ATP7A: variants seen among roughly 807,000 people sequenced by gnomAD.
ATP7A encodes the protein copper-transporting ATPase 1.
ATP7A carries 7 observed loss-of-function variants against 83.5 expected under a neutral mutation model. That is an observed-to-expected ratio of 0.08 (90% CI 0.05 to 0.16). ATP7A has a LOEUF of 0.16. Ranked by LOEUF, ATP7A falls within the 10% of genes least tolerant of loss-of-function variation. The pLI is 1.00. For missense variants in ATP7A, 940 were observed against 1,120.8 expected (o/e 0.84, Z 2.30); for synonymous variants, 354 against 395.2 (o/e 0.90, Z 1.24).
intron 1 of ATP7A, among the ~76,000 whole-genome samples, chrX:77,953,227 A>G (rs1557226986): frequency 8.9e-6 from 1 of 112,392 alleles, no homozygotes; most frequent in Non-Finnish European, 1.9e-5. Flanking sequence ...ATAACATTAC[A>G]GGCAGTTCTT....
At chrX:78,020,718 C>T (rs1337338104) in intron 13 of ATP7A, among the ~76,000 whole-genome samples, 4 of 110,695 alleles carry the variant, frequency 3.6e-5, no homozygotes, top group Admixed American at 9.6e-5. Flanking sequence ...ACAGGGTCTC[C>T]CTAAGTTGCC....
chrX:78,031,951 T>G (rs1557237122), intron 16 of ATP7A, among the ~76,000 whole-genome samples: 1 of 112,217 alleles, frequency 8.9e-6, no homozygotes, highest in Non-Finnish European at 1.9e-5. Context: ...GTTAACCTAT[T>G]AACAGTCTTT....
chrX:78,021,142 A>T, intron 14 of ATP7A, 63 bp downstream of exon 14: 4 of 1,069,062 alleles, frequency 3.7e-6, no homozygotes, highest in Non-Finnish European at 5.2e-6. Flanking sequence ...TTGCATTAGT[A>T]ATTCATTGGA....
rs1218385445 is a variant in ATP7A at position 78,047,299 on chromosome X, G to T, written c.*729G>T. 8.9e-6 allele frequency: 1 copy of T among 111,772 alleles called. No individual in the cohort carries two copies. Among genetic ancestry groups the T allele is most frequent in the African/African-American group, 3.3e-5 (1 of 30,649 alleles). 9.2% of individuals were successfully genotyped at this position (111,772 alleles called of 1,213,427 possible). A position where few individuals can be genotyped will look rare whatever the true frequency, so the allele number is the denominator to read the frequency against. On this transcript the variant is annotated 3_prime_UTR_variant, in exon 23 of 23. Transcript: ENST00000341514. ...TTTTGTAGCTCAAAAGACCTTAAAG[G>T]TCTGTAGGGTTCCCTGCCTCCCATC...
intron 17 of ATP7A, among the ~76,000 whole-genome samples, chrX:78,036,944 C>T (rs1248724114): frequency 9.0e-6 from 1 of 111,439 alleles, no homozygotes; most frequent in East Asian, 2.8e-4. Flanking sequence ...AAAGGAGAGT[C>T]ACAGATTTTT....
chrX:77,931,286 T>C (rs1368166981), intron 1 of ATP7A, among the ~76,000 whole-genome samples: 3 of 110,277 alleles, frequency 2.7e-5, no homozygotes, highest in African/African-American at 6.6e-5. Context: ...TCCATTCAAC[T>C]CTGAGTGGAC....
At chrX:77,953,103 A>G (rs892050718) in intron 1 of ATP7A, among the ~76,000 whole-genome samples, 5 of 111,688 alleles carry the variant, frequency 4.5e-5, no homozygotes, top group African/African-American at 1.6e-4. Context: ...CTTATTCTAC[A>G]TAAGTGGTTA....
At position 77,989,869 on chromosome X, in the gene ATP7A, A is replaced by C. The variant is rs1557231909; in HGVS notation, c.1247A>C (p.Asn416Thr). The C allele has an allele frequency of 8.3e-7, 1 of 1,210,558 alleles. No individual in the cohort carries two copies. ...KSIRVSLANS[N>T]GTVEYDPLLT... ...ATACGAGTCTCCCTTGCAAATAGCA[A>C]TGGGACTGTTGAGTATGATCCTCTA... The change falls in exon 4 of 23, where the codon AAT becomes ACT. Residue 416 changes from asparagine (N) to threonine (T), a missense_variant. Transcript: ENST00000341514.
At chrX:77,987,965 G>T (rs1373799121) in intron 2 of ATP7A, among the ~76,000 whole-genome samples, 1 of 111,463 alleles carries the variant, frequency 9.0e-6, no homozygotes, top group Non-Finnish European at 1.9e-5. Context: ...TTTGTACTCT[G>T]TTGTGAAATT....
At chrX:77,914,414 C>A (rs181349707) in intron 1 of ATP7A, among the ~76,000 whole-genome samples, 8 of 110,547 alleles carry the variant, frequency 7.2e-5, no homozygotes, top group African/African-American at 2.3e-4. Context: ...CCACTCCCAG[C>A]TAATTTTTAA....
Position 78,000,852 on chromosome X carries a change from A to G in ATP7A, c.1543+2168A>G, listed in dbSNP as rs1248037338. On this transcript the variant is annotated intron_variant, in intron 5 of 22. Transcript: ENST00000341514. ...GCTAATTTTTGTATTTTTAGTAGAG[A>G]CAGAGTTTCACCATGTTGGCCAGGC... Among the ~76,000 whole-genome samples, 6 of 109,193 alleles carry G rather than the reference A, an allele frequency of 5.5e-5. No homozygotes were observed. The Admixed American group carries it at 6.0e-4, about 11-fold the overall frequency. The allele number at this position is 109,193 out of a possible 115,157, so 94.8% of individuals were successfully genotyped here.
At chrX:77,949,905 G>A (rs1249260085) in intron 1 of ATP7A, among the ~76,000 whole-genome samples, 1 of 111,823 alleles carries the variant, frequency 8.9e-6, no homozygotes, top group Non-Finnish European at 1.9e-5. Flanking sequence ...AACCAGAAAC[G>A]GAATTTATTG....
intron 18 of ATP7A, 150 bp from the exon 19 acceptor site, chrX:78,040,441 T>C: frequency 1.5e-6 from 1 of 684,071 alleles, no homozygotes; most frequent in Middle Eastern, 4.6e-4. Flanking sequence ...TAGTATAAAG[T>C]CTGTGTGGGC....
intron 1 of ATP7A, among the ~76,000 whole-genome samples, chrX:77,944,737 C>A (rs782065009): frequency 3.6e-5 from 4 of 111,119 alleles, no homozygotes; most frequent in African/African-American, 1.3e-4. Context: ...TGTTGTCTGG[C>A]TGAACAGGCT....
intron 1 of ATP7A, among the ~76,000 whole-genome samples, chrX:77,932,237 C>T (rs1251288997): frequency 4.6e-5 from 5 of 108,808 alleles, no homozygotes; most frequent in East Asian, 3.0e-4. Flanking sequence ...GGGTCGCGGC[C>T]GGGCAGAGGC....
At chrX:77,932,274 G>A (rs1174582613) in intron 1 of ATP7A, among the ~76,000 whole-genome samples, 2 of 106,640 alleles carry the variant, frequency 1.9e-5, no homozygotes, top group South Asian at 4.2e-4. Flanking sequence ...ACGGGGCGGC[G>A]GGGCAGAGGT....
intron 14 of ATP7A, among the ~76,000 whole-genome samples, chrX:78,022,505 G>GA (rs1557235908): frequency 1.0e-5 from 1 of 95,782 alleles, no homozygotes; most frequent in Non-Finnish European, 2.1e-5. Context: ...TTGTTTGTTT[G>GA]TTTATTTATT....
At chrX:77,972,289 TCA>T (rs1305142100) in intron 2 of ATP7A, among the ~76,000 whole-genome samples, 1 of 110,659 alleles carries the variant, frequency 9.0e-6, no homozygotes, top group Non-Finnish European at 1.9e-5. Flanking sequence ...TTTCCCAGGC[TCA>T]AGCAATCCTC....
intron 7 of ATP7A, among the ~76,000 whole-genome samples, chrX:78,010,874 C>T (rs1321280797): frequency 7.2e-5 from 8 of 110,489 alleles, no homozygotes; most frequent in African/African-American, 2.0e-4. Flanking sequence ...CCACCGTGCC[C>T]GGCCTGGTGC....
Sources: gnomAD v4.1 joint callset for allele counts (sites outside exome capture counted in the v4.1 genomes callset) on GRCh38, gnomAD v4.1.1 for gene constraint, MANE v1.5 for transcripts, NCBI Gene and HGNC (gene_info 2026-07-23, HGNC 2026-07-21) for gene names.